Variants in ANKRD44 observed in about 807,000 individuals in gnomAD.
ANKRD44 encodes serine/threonine-protein phosphatase 6 regulatory ankyrin repeat subunit B.
A neutral mutation model predicts 116.0 loss-of-function variants in ANKRD44; 35 were observed. The ratio of observed to expected loss-of-function variants is 0.30; its 90% CI spans 0.23 to 0.40. The LOEUF (loss-of-function observed/expected upper bound fraction) is 0.40, where lower values mean the gene tolerates loss of function less well. Ranked by LOEUF, ANKRD44 falls within the 10% of genes least tolerant of loss-of-function variation. The pLI is 1.00. For missense variants in ANKRD44, 1,014 were observed against 1,242.6 expected, an observed-to-expected ratio of 0.82 and a Z score of 2.77; for synonymous variants, 435 against 461.8, an observed-to-expected ratio of 0.94 and a Z score of 0.74.
At chr2:197,228,893 G>C (rs2081786545) in intron 1 of ANKRD44, among the ~76,000 whole-genome samples, 1 of 152,220 alleles carries the variant, frequency 6.6e-6, no homozygotes, top group African/African-American at 2.4e-5. Context: ...AAATTAGCTA[G>C]GCATGGTGGT....
At chr2:197,024,156 C>T (rs1386756240) in intron 17 of ANKRD44, among the ~76,000 whole-genome samples, 5 of 152,210 alleles carry the variant, frequency 3.3e-5, no homozygotes, top group Non-Finnish European at 5.9e-5. Flanking sequence ...ATTAATAAAA[C>T]ACTCCTCTCT....
At chr2:197,003,723 C>T (rs970464713) in intron 21 of ANKRD44, among the ~76,000 whole-genome samples, 1 of 152,094 alleles carries the variant, frequency 6.6e-6, no homozygotes, top group Non-Finnish European at 1.5e-5. Context: ...GTCAGGTTTG[C>T]GGCCCGCCAT....
At chr2:197,049,168 G>C (rs1165611760) in intron 16 of ANKRD44, among the ~76,000 whole-genome samples, 1 of 152,130 alleles carries the variant, frequency 6.6e-6, no homozygotes, top group African/African-American at 2.4e-5. Context: ...TTGCCGTGCA[G>C]AAGCTCTTTA....
chr2:197,274,139 T>C (rs2083007043), intron 1 of ANKRD44, among the ~76,000 whole-genome samples: 1 of 151,382 alleles, frequency 6.6e-6, no homozygotes, highest in Admixed American at 6.6e-5. Flanking sequence ...GTCAAGTCCA[T>C]GTGGACATCA....
At chr2:197,153,405 A>T (rs939118944) in intron 2 of ANKRD44, among the ~76,000 whole-genome samples, 7 of 152,086 alleles carry the variant, frequency 4.6e-5, no homozygotes, top group African/African-American at 1.7e-4. Context: ...GATATTGAAC[A>T]GAGATCACTA....
intron 18 of ANKRD44, among the ~76,000 whole-genome samples, chr2:197,012,903 CTG>C (rs2076324813): frequency 6.6e-6 from 1 of 152,140 alleles, no homozygotes; most frequent in African/African-American, 2.4e-5. Context: ...ACCCTTATGT[CTG>C]TGTATATATC....
intron 20 of ANKRD44, among the ~76,000 whole-genome samples, chr2:197,007,286 A>T (rs1301288107): frequency 6.6e-6 from 1 of 152,206 alleles, no homozygotes; most frequent in Non-Finnish European, 1.5e-5. Flanking sequence ...GAAAAAAATG[A>T]AATGAAAAAA....
At chr2:197,218,388 T>C (rs2081499344) in intron 1 of ANKRD44, among the ~76,000 whole-genome samples, 1 of 152,182 alleles carries the variant, frequency 6.6e-6, no homozygotes, top group Non-Finnish European at 1.5e-5. Context: ...TATTCCCTGC[T>C]ACCTTTCTGG....
intron 16 of ANKRD44, among the ~76,000 whole-genome samples, chr2:197,066,906 C>G (rs1301108866): frequency 1.3e-5 from 2 of 152,188 alleles, no homozygotes; most frequent in Admixed American, 6.5e-5. Flanking sequence ...CTACCAATGA[C>G]TTTCTTCACA....
At chr2:197,155,654 A>G (rs73991222) in intron 2 of ANKRD44, among the ~76,000 whole-genome samples, 11,491 of 152,256 alleles carry the variant, frequency 0.075, 988 homozygotes, top group African/African-American at 0.21. Flanking sequence ...CTTGAACCCT[A>G]AACAAAAATT....
intron 1 of ANKRD44, among the ~76,000 whole-genome samples, chr2:197,260,532 G>A (rs909523815): frequency 4.6e-5 from 7 of 151,904 alleles, no homozygotes; most frequent in South Asian, 2.1e-4. Context: ...GAATAGTGCC[G>A]CTATAAACAT....
At chr2:197,170,220 A>G (rs1388229092) in intron 2 of ANKRD44, among the ~76,000 whole-genome samples, 3 of 146,902 alleles carry the variant, frequency 2.0e-5, no homozygotes, top group Non-Finnish European at 3.0e-5. Flanking sequence ...AAAAACTGGG[A>G]GGCATTCAAA....
intron 1 of ANKRD44, among the ~76,000 whole-genome samples, chr2:197,232,751 C>T (rs1337277969): frequency 6.6e-6 from 1 of 152,150 alleles, no homozygotes; most frequent in Non-Finnish European, 1.5e-5. Context: ...TCACGAGGCT[C>T]CTTGCCTGGC....
intron 1 of ANKRD44, among the ~76,000 whole-genome samples, chr2:197,287,659 G>A (rs1294046801): frequency 1.3e-5 from 2 of 152,120 alleles, no homozygotes; most frequent in African/African-American, 4.8e-5. Flanking sequence ...TAACTGCTGA[G>A]ATATAATACC....
chr2:196,989,830 C>T, intron 27 of ANKRD44, 181 bp from the exon 28 acceptor site: 1 of 1,369,124 alleles, frequency 7.3e-7, no homozygotes, highest in South Asian at 1.7e-5. Context: ...CATTTTACTA[C>T]TGATGAACAA....
intron 17 of ANKRD44, among the ~76,000 whole-genome samples, chr2:197,016,856 T>C (rs2076402127): frequency 6.6e-6 from 1 of 152,092 alleles, no homozygotes; most frequent in East Asian, 1.9e-4. Context: ...TACAATTTGT[T>C]TGAAAAAAGG....
intron 1 of ANKRD44, among the ~76,000 whole-genome samples, chr2:197,292,578 C>G (rs2083603651): frequency 6.6e-6 from 1 of 152,140 alleles, no homozygotes; most frequent in African/African-American, 2.4e-5. Context: ...TCCTTTGTAT[C>G]TTTCCAACTT....
Position 197,121,393 on chromosome 2 carries a change from G to GAGGC in ANKRD44, c.841_844dup (p.Ser282CysfsTer10). On this transcript the variant is annotated frameshift_variant, in exon 8 of 28. Coordinates refer to ENST00000282272, the MANE Select transcript of ANKRD44 (RefSeq NM_001195144.2). LOFTEE classifies it high-confidence loss of function. ...TTCAAGACACAAAGCACCATGAGTG[G>GAGGC]AGGCAGCAGCAAAATGCAAAGGGGT... The GAGGC allele has an allele frequency of 6.2e-7, 1 of 1,614,224 alleles. No individual in the cohort carries two copies. The highest frequency in any genetic ancestry group is 2.2e-5 in the East Asian group (1 of 44,890).
At chr2:197,104,342 A>G (rs1359243215) in intron 9 of ANKRD44, among the ~76,000 whole-genome samples, 1 of 152,080 alleles carries the variant, frequency 6.6e-6, no homozygotes, top group Admixed American at 6.6e-5. Context: ...GCTGGTCTCG[A>G]ACTCCTGACC....
Sources: allele counts gnomAD v4.1 joint callset (sites outside exome capture counted in the v4.1 genomes callset), GRCh38; gene constraint gnomAD v4.1.1; transcripts MANE v1.5; gene names NCBI Gene and HGNC (gene_info 2026-07-23, HGNC 2026-07-21).